Variants in TMEM91 observed in about 807,000 individuals in gnomAD.
TMEM91 encodes the protein transmembrane protein 91.
TMEM91 carries 6 observed loss-of-function variants against 13.3 expected under a neutral mutation model. The ratio of observed to expected loss-of-function variants is 0.45; its 90% CI spans 0.25 to 0.89. TMEM91 has a LOEUF of 0.89. Among genes scored for constraint, TMEM91 ranks in the 40% least tolerant of loss-of-function variants. The pLI is 0.19. For missense variants in TMEM91, 193 were observed against 228.7 expected, an observed-to-expected ratio of 0.84 and a Z score of 1.01; for synonymous variants, 87 against 101.7, an observed-to-expected ratio of 0.86 and a Z score of 0.87.
intron 1 of TMEM91, among the ~76,000 whole-genome samples, 169 bp from the exon 2 acceptor site, chr19:41,378,112 C>A (rs116952381): frequency 0.075 from 11,363 of 151,270 alleles, 587 homozygotes; most frequent in Middle Eastern, 0.14. Flanking sequence ...CTCTTCATAA[C>A]CTGAGGCCAA....
Position 41,383,811 on chromosome 19 carries a change from T to C in TMEM91, c.457T>C (p.Cys153Arg). Residue 153 changes from cysteine (C) to arginine (R), a missense_variant, in exon 4 of 4, where the codon TGC (cysteine) becomes CGC (arginine). By Grantham distance (180) the Cys-to-Arg change is radical (BLOSUM62 -3). Coordinates refer to ENST00000392002, the MANE Select transcript of TMEM91 (RefSeq NM_001098821.2). ...GGTCCTCGCCGTCGGGCTGGGCGTG[T>C]GCACGTATGCGGCTGCCCTGGTGAC... ...LGVLAVGLGV[C>R]TYAAALVTLA... 2.5e-6 allele frequency: 4 copies of C among 1,611,208 alleles called. 1 individual carries two copies. The highest frequency in any genetic ancestry group is 2.2e-5 in the South Asian group (2 of 90,684).
upstream of TMEM91, chr19:41,376,397 T>C (rs973213156): frequency 1.3e-5 from 2 of 152,246 alleles, no homozygotes; most frequent in Non-Finnish European, 2.9e-5. Context: ...TATGTAAGTT[T>C]ATTTGCAAAG....
chr19:41,375,864 G>C (rs1233421485), upstream of TMEM91, among the ~76,000 whole-genome samples: 1 of 151,716 alleles, frequency 6.6e-6, no homozygotes, highest in East Asian at 2.0e-4. Context: ...GCTCACGCCT[G>C]TAATCCTAAC....
At chr19:41,370,916 T>C (rs1210146655) in intron 1 of TMEM91, among the ~76,000 whole-genome samples, 2 of 149,956 alleles carry the variant, frequency 1.3e-5, no homozygotes, top group Non-Finnish European at 3.0e-5. Flanking sequence ...TTGGCCAGGA[T>C]GTACTCGAAC....
chr19:41,382,746 C>T (rs752405386), intron 2 of TMEM91, 26 bp from the exon 3 acceptor site: 1 of 1,605,744 alleles, frequency 6.2e-7, no homozygotes, highest in Non-Finnish European at 8.5e-7. Flanking sequence ...ATGGAGATGC[C>T]CACCTGGGCA....
chr19:41,367,929 G>A (rs2038554691), intron 1 of TMEM91, among the ~76,000 whole-genome samples: 1 of 152,054 alleles, frequency 6.6e-6, no homozygotes, highest in Non-Finnish European at 1.5e-5. Flanking sequence ...ACAACACCCG[G>A]CCTAGGAGTA....
upstream of TMEM91, among the ~76,000 whole-genome samples, chr19:41,375,393 C>T (rs2038697454): frequency 6.9e-6 from 1 of 145,738 alleles, no homozygotes; most frequent in Non-Finnish European, 1.5e-5. Flanking sequence ...ATTCTCCTGC[C>T]TCAGCCTCCC....
chr19:41,383,755 G>A lies in TMEM91; in HGVS notation c.401G>A (p.Gly134Glu), dbSNP rs779155194. ...AWAKGDIQGA[G>E]AASRRAFLLG... is the part of the protein sequence containing the mutation. ...GCCAAGGGGGACATCCAGGGGGCAGGGGCCGCCTCCCGCCGTGCCTTCCTG... is the reference window on the plus strand; with the variant it reads ...GCCAAGGGGGACATCCAGGGGGCAGAGGCCGCCTCCCGCCGTGCCTTCCTG... Residue 134 changes from glycine to glutamate, a missense_variant, in exon 4 of 4, where the codon GGG becomes GAG. Gly to Glu is a moderately conservative substitution (Grantham distance 98, BLOSUM62 -2). Coordinates refer to ENST00000392002, the MANE Select transcript of TMEM91 (RefSeq NM_001098821.2). 3.1e-6 allele frequency: 5 copies of A among 1,609,158 alleles called. No homozygotes were observed. The highest frequency in any genetic ancestry group is 4.2e-6 in the Non-Finnish European group (5 of 1,177,166).
At position 41,371,422 on chromosome 19, in the gene TMEM91, T is replaced by TCCCTC. The variant is rs1336647738; in HGVS notation, c.-29-6858_-29-6857insCCTCC. ...CCTCCCTCCCTCCTTTCTCTCTCTCTCTTTCTCTCTCTCTTTCTTTCTTTC... is the reference window on the plus strand; with the variant it reads ...CCTCCCTCCCTCCTTTCTCTCTCTCTCCCTCCTTTCTCTCTCTCTTTCTTTCTTTC... On this transcript the variant is annotated intron_variant, in intron 1 of 3. Transcript: ENST00000413014. 8.2e-3 allele frequency among the ~76,000 whole-genome samples: 223 copies of TCCCTC among 27,144 alleles called. 5 individuals carry two copies. The highest frequency in any genetic ancestry group is 0.012 in the Non-Finnish European group (128 of 10,888). 17.8% of individuals were successfully genotyped at this position (27,144 alleles called of 152,430 possible).
chr19:41,371,878 G>A (rs2038630315), upstream of TMEM91, among the ~76,000 whole-genome samples: 1 of 151,802 alleles, frequency 6.6e-6, no homozygotes, highest in Admixed American at 6.6e-5. Flanking sequence ...TTTCCTTCCT[G>A]ACCCCCCTTT....
rs1400011878 is a variant in TMEM91 at position 41,376,817 on chromosome 19, G to A, written c.-67G>A. 1 of 152,396 alleles carries A rather than the reference G, an allele frequency of 6.6e-6. No homozygotes were observed. Among genetic ancestry groups the A allele is most frequent in the Admixed American group, 6.5e-5 (1 of 15,282 alleles). 9.4% of individuals were successfully genotyped at this position (152,396 alleles called of 1,614,324 possible). On this transcript the variant is annotated 5_prime_UTR_variant, in exon 1 of 4. Transcript: ENST00000392002. Reference sequence around the variant, plus strand: ...TGGCAGGGTCCGGGCAAGTGTCATTGCGAGGGTTCAGGAAGCCCCGGCCTG... The same window carrying A: ...TGGCAGGGTCCGGGCAAGTGTCATTACGAGGGTTCAGGAAGCCCCGGCCTG...
intron 1 of TMEM91, among the ~76,000 whole-genome samples, chr19:41,365,045 CTT>C (rs1455595205): frequency 9.8e-5 from 14 of 142,636 alleles, no homozygotes; most frequent in Non-Finnish European, 6.2e-5. Context: ...CTGGCTAATT[CTT>C]TTTTTTTTTT....
upstream of TMEM91, among the ~76,000 whole-genome samples, chr19:41,371,667 C>G (rs1291497613): frequency 6.6e-6 from 1 of 152,030 alleles, no homozygotes; most frequent in Non-Finnish European, 1.5e-5. Flanking sequence ...ATCGGCCTGC[C>G]TCAGCCTCCC....
intron 3 of TMEM91, chr19:41,383,445 T>G: frequency 1.5e-5 from 18 of 1,196,518 alleles, no homozygotes; most frequent in Non-Finnish European, 1.9e-5. Flanking sequence ...TGGGTCAATG[T>G]GAGAATCAAA....
Position 41,366,865 on chromosome 19 carries a change from C to T in TMEM91, c.-30+2770C>T, listed in dbSNP as rs188075339. The stretch of plus-strand genomic sequence containing the variant: ...CAGAAAATATGATTGAGGCCGGATT[C>T]GGTGGTTCATGCCCGTAATCCCAGC... On this transcript the variant is annotated intron_variant, in intron 1 of 3. Transcript: ENST00000413014. Among the ~76,000 whole-genome samples the T allele has an allele frequency of 1.7e-3, 256 of 151,940 alleles. 2 individuals are homozygous for T. Among genetic ancestry groups the T allele is most frequent in the Admixed American group, 0.013 (201 of 15,258 alleles).
intron 1 of TMEM91, among the ~76,000 whole-genome samples, chr19:41,364,759 T>A (rs189052807): frequency 4.0e-5 from 6 of 151,856 alleles, no homozygotes; most frequent in African/African-American, 1.5e-4. Flanking sequence ...GAACTAAGAT[T>A]CCCTTATTTG....
At chr19:41,378,053 AGAG>A (rs1244387941) in intron 1 of TMEM91, among the ~76,000 whole-genome samples, 1,255 of 122,968 alleles carry the variant, frequency 0.01, 9 homozygotes, top group Non-Finnish European at 0.016. Context: ...AAAAAAAAAA[AGAG>A]AGAGAGAGAG....
At chr19:41,375,297 T>TTTTTTTTTTTTC (rs869066634), upstream of TMEM91, among the ~76,000 whole-genome samples, 4 of 113,262 alleles carry the variant, frequency 3.5e-5, no homozygotes, top group Non-Finnish European at 7.2e-5. Context: ...TTTTTTTTTT[T>TTTTTTTTTTTTC]TGAGACGGAG....
rs567067324 is a variant in TMEM91 at position 41,381,453 on chromosome 19, C to T, written c.211-1319C>T. Among the ~76,000 whole-genome samples the T allele has an allele frequency of 4.0e-5, 6 of 151,168 alleles. No homozygotes were observed. In the South Asian group the frequency reaches 8.4e-4, roughly 21 times the overall value. On this transcript the variant is annotated intron_variant, in intron 2 of 3. Transcript: ENST00000392002. ...TCGGCTCACTGCAAGCTCTGCCTCC[C>T]GGGTTCATGCCATTCTTCTGCCTCA...
Sources: allele counts gnomAD v4.1 joint callset (sites outside exome capture counted in the v4.1 genomes callset), GRCh38; gene constraint gnomAD v4.1.1; transcripts MANE v1.5; gene names NCBI Gene and HGNC (gene_info 2026-07-23, HGNC 2026-07-21).